NCKAP5: variants seen among roughly 807,000 people sequenced by gnomAD.
The protein encoded by NCKAP5 is NCK associated protein 5, also known as nck-associated protein 5.
NCKAP5 carries 92 observed loss-of-function variants against 167.0 expected under a neutral mutation model. The observed-to-expected ratio is 0.55, with a 90% CI of 0.47 to 0.66. The LOEUF (loss-of-function observed/expected upper bound fraction) is 0.66, where lower values mean the gene tolerates loss of function less well. Ranked by LOEUF, NCKAP5 falls within the 30% of genes least tolerant of loss-of-function variation. The pLI is 0.00. For missense variants in NCKAP5, 2,378 were observed against 2,315.0 expected (o/e 1.03, Z -0.56); for synonymous variants, 891 against 877.4 (o/e 1.02, Z -0.27).
At chr2:133,385,089 T>A (rs1024990076) in intron 3 of NCKAP5, among the ~76,000 whole-genome samples, 1 of 152,232 alleles carries the variant, frequency 6.6e-6, no homozygotes, top group Non-Finnish European at 1.5e-5. Flanking sequence ...CTATGTTGAA[T>A]AGGAGTGGTG....
rs534727292 is a variant in NCKAP5, at chr2:132,736,667, G to T, written c.5129-4616C>A. Reference sequence around the variant, plus strand: ...TTGGGCATGGTGGCATGCACCTGTAGTCCCAGCTACTTGGGAGGCTGAGGC... The same window carrying T: ...TTGGGCATGGTGGCATGCACCTGTATTCCCAGCTACTTGGGAGGCTGAGGC... On this transcript the variant is annotated intron_variant, in intron 16 of 19. Coordinates refer to ENST00000409261, the MANE Select transcript of NCKAP5 (RefSeq NM_207363.3). Among the ~76,000 whole-genome samples the T allele has an allele frequency of 5.9e-5, 9 of 152,062 alleles. 1 individual carries two copies. Among genetic ancestry groups the T allele is most frequent in the Admixed American group, 5.9e-4 (9 of 15,274 alleles).
the NCKAP5 span, among the ~76,000 whole-genome samples, chr2:133,652,128 C>A: frequency 6.6e-6 from 1 of 152,028 alleles, no homozygotes; most frequent in Non-Finnish European, 1.5e-5. Flanking sequence ...TGGAAGGCAC[C>A]TGATAAGTAT....
chr2:133,121,514 C>T (rs2082251023), intron 6 of NCKAP5, among the ~76,000 whole-genome samples: 1 of 152,136 alleles, frequency 6.6e-6, no homozygotes, highest in South Asian at 2.1e-4. Context: ...AGCCATTCAC[C>T]TTAGAATTAT....
chr2:133,191,166 G>GA (rs1409536965), intron 5 of NCKAP5, among the ~76,000 whole-genome samples: 1 of 152,132 alleles, frequency 6.6e-6, no homozygotes, highest in East Asian at 1.9e-4. Context: ...ACAGACACAT[G>GA]AAAAAATGCT....
At chr2:133,057,350 C>T (rs553975725) in intron 6 of NCKAP5, among the ~76,000 whole-genome samples, 4 of 152,284 alleles carry the variant, frequency 2.6e-5, no homozygotes, top group Admixed American at 2.6e-4. Context: ...TGAGGAAGGC[C>T]TGTTGAAAGC....
In NCKAP5 at chr2:133,415,130, G is replaced by A. The variant is rs146817289; in HGVS notation, c.69+102328C>T. Among the ~76,000 whole-genome samples the A allele has an allele frequency of 4.8e-3, 732 of 152,242 alleles. 4 individuals carry two copies. The highest frequency in any genetic ancestry group is 0.017 in the Middle Eastern group (5 of 294). On this transcript the variant is annotated intron_variant, in intron 3 of 19. Coordinates refer to ENST00000409261, the MANE Select transcript of NCKAP5 (RefSeq NM_207363.3). ...AGGTTAGCTCAACCCCATTGCCCCC[G>A]CTGATGCTGCCTCAGTTCACACTGG...
chr2:133,493,410 C>A (rs918734010), intron 3 of NCKAP5, among the ~76,000 whole-genome samples: 6 of 152,150 alleles, frequency 3.9e-5, no homozygotes, highest in Admixed American at 2.0e-4. Context: ...TATCACGTAA[C>A]CCTCACCATG....
upstream of NCKAP5, among the ~76,000 whole-genome samples, chr2:133,571,949 T>C (rs1195978997): frequency 2.0e-5 from 3 of 150,398 alleles, no homozygotes; most frequent in Non-Finnish European, 4.4e-5. Flanking sequence ...CATTCCAGCC[T>C]GGGCAACAAG....
the NCKAP5 span, among the ~76,000 whole-genome samples, chr2:133,615,715 C>T: frequency 6.6e-6 from 1 of 152,124 alleles, no homozygotes; most frequent in African/African-American, 2.4e-5. Context: ...GACTTTAACA[C>T]CCCACTGTCA....
chr2:132,874,301 G>A (rs943069565), intron 9 of NCKAP5, among the ~76,000 whole-genome samples: 46 of 151,964 alleles, frequency 3.0e-4, no homozygotes, highest in African/African-American at 1.0e-3. Context: ...GTAGAGACGA[G>A]GTTTCACTAT....
the NCKAP5 span, among the ~76,000 whole-genome samples, chr2:133,666,523 A>G: frequency 6.6e-6 from 1 of 151,904 alleles, no homozygotes; most frequent in African/African-American, 2.4e-5. Flanking sequence ...ATGGCTGCAC[A>G]CTATTCTATT....
intron 3 of NCKAP5, among the ~76,000 whole-genome samples, chr2:133,335,384 C>T: frequency 6.6e-6 from 1 of 152,116 alleles, no homozygotes; most frequent in East Asian, 1.9e-4. Context: ...TAATTGGGTG[C>T]TTTAGCTGGG....
intron 3 of NCKAP5, among the ~76,000 whole-genome samples, chr2:133,347,472 G>A (rs1256081702): frequency 6.6e-6 from 1 of 152,102 alleles, no homozygotes; most frequent in Non-Finnish European, 1.5e-5. Context: ...AAAATTGCTT[G>A]AACCCAGGAG....
chr2:133,588,626 C>T, the NCKAP5 span, among the ~76,000 whole-genome samples: 2 of 152,116 alleles, frequency 1.3e-5, no homozygotes, highest in African/African-American at 4.8e-5. Context: ...AAGGTCCCTA[C>T]TTTCAAGGAG....
chr2:133,133,717 A>G (rs1329371572), intron 5 of NCKAP5, among the ~76,000 whole-genome samples: 1 of 152,204 alleles, frequency 6.6e-6, no homozygotes, highest in Non-Finnish European at 1.5e-5. Context: ...TTCAATCTGG[A>G]GAATATTTTA....
intron 19 of NCKAP5, among the ~76,000 whole-genome samples, chr2:132,673,981 T>C (rs894111898): frequency 2.0e-5 from 3 of 152,152 alleles, no homozygotes; most frequent in Non-Finnish European, 2.9e-5. Flanking sequence ...CCCTGTATGA[T>C]GTATAAAGCA....
Position 133,110,083 on chromosome 2 carries a change from C to T in NCKAP5, c.341+19895G>A, listed in dbSNP as rs543471373. ...GCAACAGAGGTTTCCTACAGTCCCT[C>T]CCTGCCACAGCCTTGCAGGATATGT... is the stretch of plus-strand genomic sequence containing the variant. On this transcript the variant is annotated intron_variant, in intron 6 of 19. Transcript: ENST00000409261. Among the ~76,000 whole-genome samples, 11 of 152,326 alleles carry T rather than the reference C, an allele frequency of 7.2e-5. 1 individual carries two copies. The East Asian group carries it at 1.5e-3, about 21-fold the overall frequency.
intron 4 of NCKAP5, among the ~76,000 whole-genome samples, chr2:133,230,614 C>T (rs962583438): frequency 1.3e-4 from 20 of 152,268 alleles, no homozygotes; most frequent in African/African-American, 4.8e-4. Flanking sequence ...AGTAATAACA[C>T]ATTTATTTAC....
chr2:133,306,854 A>T (rs1309360450), intron 3 of NCKAP5, among the ~76,000 whole-genome samples: 1 of 152,216 alleles, frequency 6.6e-6, no homozygotes, highest in Admixed American at 6.5e-5. Flanking sequence ...AACCCAGGCC[A>T]GGTACTTACA....
Sources: gnomAD v4.1 joint callset for allele counts (sites outside exome capture counted in the v4.1 genomes callset) on GRCh38, gnomAD v4.1.1 for gene constraint, MANE v1.5 for transcripts, NCBI Gene and HGNC (gene_info 2026-07-23, HGNC 2026-07-21) for gene names.